Variants in SYNE3 observed in about 807,000 individuals in gnomAD.
The protein encoded by SYNE3 is nesprin-3.
Under a neutral mutation model 111.2 loss-of-function variants are expected in SYNE3, and 100 were observed. The observed-to-expected ratio is 0.90, with a 90% CI of 0.77 to 1.06. The LOEUF (loss-of-function observed/expected upper bound fraction) is 1.06, where lower values mean the gene tolerates loss of function less well. Among genes scored for constraint, SYNE3 ranks in the 50% least tolerant of loss-of-function variants. The probability of loss-of-function intolerance (pLI) is 0.00; values close to 1 mark genes in which losing one functional copy is unlikely to be tolerated. For missense variants in SYNE3, 1,160 were observed against 1,240.3 expected, an observed-to-expected ratio of 0.94 and a Z score of 0.97; for synonymous variants, 547 against 533.9, an observed-to-expected ratio of 1.02 and a Z score of -0.34.
chr14:95,471,734 T>A (rs2139496313), intron 2 of SYNE3, among the ~76,000 whole-genome samples: 1 of 152,252 alleles, frequency 6.6e-6, no homozygotes, highest in African/African-American at 2.4e-5. Context: ...AGTCCAGGAG[T>A]GCTTGGCAAG....
intron 2 of SYNE3, among the ~76,000 whole-genome samples, chr14:95,468,426 G>A (rs1888327612): frequency 6.6e-6 from 1 of 152,194 alleles, no homozygotes; most frequent in Non-Finnish European, 1.5e-5. Context: ...CCCAACCCAG[G>A]GCCCAGCTGA....
chr14:95,476,509 C>T (rs1371403026), intron 1 of SYNE3, among the ~76,000 whole-genome samples: 2 of 152,268 alleles, frequency 1.3e-5, no homozygotes, highest in African/African-American at 4.8e-5. Flanking sequence ...GTAACACCTG[C>T]CTGCTGGCAT....
intron 2 of SYNE3, among the ~76,000 whole-genome samples, chr14:95,475,023 C>G (rs1413328686): frequency 6.6e-6 from 1 of 152,254 alleles, no homozygotes; most frequent in African/African-American, 2.4e-5. Flanking sequence ...AATCTAGCAT[C>G]AGCAAGGAGA....
intron 2 of SYNE3, among the ~76,000 whole-genome samples, chr14:95,475,178 T>A (rs558903884): frequency 6.6e-6 from 1 of 152,238 alleles, no homozygotes; most frequent in East Asian, 1.9e-4. Flanking sequence ...TTGTGCCAGG[T>A]GGGGTGGGTA....
At chr14:95,428,425 G>C (rs1489854962) in intron 17 of SYNE3, among the ~76,000 whole-genome samples, 3 of 152,178 alleles carry the variant, frequency 2.0e-5, no homozygotes, top group Non-Finnish European at 4.4e-5. Context: ...GTGAAAATGT[G>C]AAAAATTATG....
intron 17 of SYNE3, among the ~76,000 whole-genome samples, chr14:95,429,061 G>A (rs1057353303): frequency 1.3e-5 from 2 of 152,218 alleles, no homozygotes; most frequent in African/African-American, 4.8e-5. Flanking sequence ...ATGTGCATAC[G>A]TGCATGCGTG....
intron 1 of SYNE3, among the ~76,000 whole-genome samples, chr14:95,492,896 G>T (rs1889916246): frequency 6.6e-6 from 1 of 152,092 alleles, no homozygotes. Flanking sequence ...TGGGTGAATT[G>T]TATATTATAT....
intron 4 of SYNE3, among the ~76,000 whole-genome samples, chr14:95,462,161 C>T (rs535583596): frequency 6.6e-6 from 1 of 152,276 alleles, no homozygotes; most frequent in Admixed American, 6.5e-5. Context: ...GAAATGCACA[C>T]TCATACCTTC....
rs1903328025 is a variant in SYNE3, at chr14:95,408,038, C to T, written c.*9788G>A. ...GATCATCAGCGTCATCTGGGAGCAG[C>T]TTCAAAAACATTCTCAGCATCGCCC... On this transcript the variant is annotated 3_prime_UTR_variant, in exon 18 of 18. Transcript: ENST00000682763. 6.6e-6 allele frequency: 1 copy of T among 152,180 alleles called. No individual in the cohort carries two copies. Among genetic ancestry groups the T allele is most frequent in the Admixed American group, 6.5e-5 (1 of 15,284 alleles). The allele number at this position is 152,180 out of a possible 1,614,324, so 9.4% of individuals were successfully genotyped here. A position where few individuals can be genotyped will look rare whatever the true frequency, so the allele number is the denominator to read the frequency against.
At chr14:95,508,477 C>T (rs574874191) in intron 1 of SYNE3, among the ~76,000 whole-genome samples, 5 of 152,282 alleles carry the variant, frequency 3.3e-5, no homozygotes, top group Admixed American at 6.5e-5. Context: ...AGAAGACAGA[C>T]AATACACTCA....
In SYNE3 at chr14:95,513,740, T is replaced by TATATATATAC. The variant is rs1890806502; in HGVS notation, c.-15+2855_-15+2856insGTATATATAT. On this transcript the variant is annotated intron_variant, in intron 1 of 17. Coordinates refer to ENST00000682763, the MANE Select transcript of SYNE3 (RefSeq NM_152592.6). ...TGGTCCAGTCAGGCTGCTTAGATTA[T>TATATATATAC]ATATATATATATATATATATATATA... Among the ~76,000 whole-genome samples the TATATATATAC allele has an allele frequency of 1.1e-4, 4 of 37,200 alleles. No homozygotes were observed. In the South Asian group the frequency reaches 2.5e-3, roughly 23 times the overall value. 24.4% of individuals were successfully genotyped at this position (37,200 alleles called of 152,430 possible).
At chr14:95,503,255 T>C (rs1315007636) in intron 1 of SYNE3, among the ~76,000 whole-genome samples, 1 of 152,246 alleles carries the variant, frequency 6.6e-6, no homozygotes, top group Non-Finnish European at 1.5e-5. Flanking sequence ...TCACCTACCA[T>C]GCAGGGTAAG....
intron 2 of SYNE3, among the ~76,000 whole-genome samples, chr14:95,471,297 G>A (rs551289770): frequency 2.0e-5 from 3 of 152,318 alleles, no homozygotes; most frequent in Non-Finnish European, 2.9e-5. Flanking sequence ...TGTCCCATGC[G>A]GACAATGGCC....
chr14:95,422,230 T>C (rs1885167604), intron 17 of SYNE3, among the ~76,000 whole-genome samples: 1 of 151,786 alleles, frequency 6.6e-6, no homozygotes, highest in South Asian at 2.1e-4. Flanking sequence ...TGCCCATGGT[T>C]CACCAGGATA....
intron 1 of SYNE3, among the ~76,000 whole-genome samples, chr14:95,487,892 G>A (rs1013790500): frequency 3.4e-5 from 5 of 147,498 alleles, no homozygotes; most frequent in African/African-American, 1.3e-4. Flanking sequence ...TGCCACCCTC[G>A]AGACAGCAAG....
At chr14:95,453,006 C>T (rs927905860) in intron 6 of SYNE3, among the ~76,000 whole-genome samples, 3 of 152,182 alleles carry the variant, frequency 2.0e-5, no homozygotes, top group East Asian at 3.8e-4. Flanking sequence ...GGAAGTTCCA[C>T]GTTTGACCTT....
intron 15 of SYNE3, among the ~76,000 whole-genome samples, chr14:95,435,022 C>G (rs956338654): frequency 6.6e-6 from 1 of 152,164 alleles, no homozygotes; most frequent in African/African-American, 2.4e-5. Flanking sequence ...AAAGCAGCCA[C>G]ATGAAGACAC....
chr14:95,433,456 C>G (rs1235736060), intron 15 of SYNE3, 47 bp from the exon 16 acceptor site: 1 of 1,606,618 alleles, frequency 6.2e-7, no homozygotes, highest in Non-Finnish European at 8.5e-7. Flanking sequence ...ATGGCCCAGA[C>G]AGCCCCACCT....
rs373406970 is a variant in SYNE3 at position 95,407,851 on chromosome 14, A to G, written c.*9975T>C. 2 of 152,130 alleles carry G rather than the reference A, an allele frequency of 1.3e-5. No homozygotes were observed. Among genetic ancestry groups the G allele is most frequent in the Non-Finnish European group, 2.9e-5 (2 of 68,070 alleles). 9.4% of individuals were successfully genotyped at this position (152,130 alleles called of 1,614,324 possible). On this transcript the variant is annotated 3_prime_UTR_variant, in exon 18 of 18. Transcript: ENST00000682763. ...GCATGAAACACACCATTCCAGCTAC[A>G]TGAACAGGTCAGTATCAGGTTAGTG...
Sources: gnomAD v4.1 joint callset for allele counts (sites outside exome capture counted in the v4.1 genomes callset) on GRCh38, gnomAD v4.1.1 for gene constraint, MANE v1.5 for transcripts, NCBI Gene and HGNC (gene_info 2026-07-23, HGNC 2026-07-21) for gene names.